The following SATB2 variants were observed in gnomAD, a reference collection of about 807,000 sequenced individuals.
SATB2 encodes SATB homeobox 2, also known as DNA-binding protein SATB2.
SATB2 carries 1 observed loss-of-function variant against 73.4 expected under a neutral mutation model. The ratio of observed to expected loss-of-function variants is 0.01; its 90% CI spans 0.00 to 0.06. The LOEUF (loss-of-function observed/expected upper bound fraction) is 0.06. SATB2 is among the 10% of genes least tolerant of loss of function. The probability of loss-of-function intolerance (pLI) is 1.00; values close to 1 mark genes in which losing one functional copy is unlikely to be tolerated. For missense variants in SATB2, 459 were observed against 945.8 expected (o/e 0.49, Z 6.75); for synonymous variants, 397 against 367.0 (o/e 1.08, Z -0.93).
chr2:199,280,042 C>T (rs1026171102), intron 10 of SATB2, among the ~76,000 whole-genome samples: 5 of 152,062 alleles, frequency 3.3e-5, no homozygotes, highest in Non-Finnish European at 7.4e-5. Context: ...TTGGGTGTTG[C>T]GGGAAGTCAG....
chr2:199,341,954 A>T (rs904433672), intron 7 of SATB2, among the ~76,000 whole-genome samples: 11 of 152,176 alleles, frequency 7.2e-5, no homozygotes, highest in African/African-American at 2.7e-4. Flanking sequence ...GGTCCTGCAG[A>T]GCGCTCTGGA....
chr2:199,330,540 T>C (rs1688160253), intron 7 of SATB2, among the ~76,000 whole-genome samples: 1 of 152,180 alleles, frequency 6.6e-6, no homozygotes, highest in Non-Finnish European at 1.5e-5. Flanking sequence ...AATAACCGAC[T>C]GGTACATGAT....
In SATB2 at chr2:199,314,503, C is replaced by A. The variant is rs1687677829; in HGVS notation, c.1543-5546G>T. Among the ~76,000 whole-genome samples, 4 of 152,120 alleles carry A rather than the reference C, an allele frequency of 2.6e-5. 1 individual carries two copies. The highest frequency in any genetic ancestry group is 7.2e-5 in the African/African-American group (3 of 41,394). ...TCTCTCAGGACATTGATTCTGTTAA[C>A]AATTTTCTGTTGAGCACCCATCTCC... On this transcript the variant is annotated intron_variant, in intron 9 of 10. Transcript: ENST00000417098.
At chr2:199,413,139 T>C (rs997956392) in intron 3 of SATB2, among the ~76,000 whole-genome samples, 1 of 152,230 alleles carries the variant, frequency 6.6e-6, no homozygotes, top group Non-Finnish European at 1.5e-5. Context: ...AATGTATATC[T>C]TCTCATAATC....
upstream of SATB2, chr2:199,468,378 G>A (rs1692633610): frequency 6.6e-6 from 1 of 150,962 alleles, no homozygotes; most frequent in South Asian, 2.1e-4. Flanking sequence ...GGGTGCACTT[G>A]TTTGTCCTAA....
chr2:199,321,251 AAGAT>A (rs1380428544), intron 9 of SATB2, among the ~76,000 whole-genome samples: 1 of 151,992 alleles, frequency 6.6e-6, no homozygotes, highest in South Asian at 2.1e-4. Flanking sequence ...ATATATGACT[AAGAT>A]ATATATATCC....
At chr2:199,274,768 A>C (rs1692259382) in intron 10 of SATB2, among the ~76,000 whole-genome samples, 1 of 151,930 alleles carries the variant, frequency 6.6e-6, no homozygotes, top group Admixed American at 6.6e-5. Context: ...GCATCAGCAA[A>C]AAAAGTGAGA....
intron 2 of SATB2, among the ~76,000 whole-genome samples, chr2:199,452,478 T>C (rs1163321576): frequency 1.3e-5 from 2 of 152,176 alleles, no homozygotes; most frequent in Admixed American, 1.3e-4. Flanking sequence ...ATGCTAATAG[T>C]GGTAAAAAGG....
intron 10 of SATB2, among the ~76,000 whole-genome samples, chr2:199,301,289 T>C (rs1320689992): frequency 6.6e-6 from 1 of 152,118 alleles, no homozygotes; most frequent in Non-Finnish European, 1.5e-5. Flanking sequence ...AGAAGTCATA[T>C]GAATCTCTCT....
intron 10 of SATB2, among the ~76,000 whole-genome samples, chr2:199,284,973 T>TA (rs1692642461): frequency 6.6e-6 from 1 of 152,060 alleles, no homozygotes; most frequent in Non-Finnish European, 1.5e-5. Flanking sequence ...ACTACACCAT[T>TA]TTACATAAGG....
intron 3 of SATB2, among the ~76,000 whole-genome samples, chr2:199,387,874 GTTT>G (rs763623403): frequency 6.6e-6 from 1 of 152,146 alleles, no homozygotes; most frequent in Non-Finnish European, 1.5e-5. Context: ...ATGGAAACCA[GTTT>G]TTTATTTTCT....
In SATB2 at chr2:199,296,924, C is replaced by T. The variant is rs188468355; in HGVS notation, c.1740+11836G>A. 3.3e-5 allele frequency among the ~76,000 whole-genome samples: 5 copies of T among 152,246 alleles called. No homozygotes were observed. The East Asian group carries it at 5.8e-4, about 18-fold the overall frequency. On this transcript the variant is annotated intron_variant, in intron 10 of 10. Transcript: ENST00000417098. Reference sequence around the variant, plus strand: ...AGATGCTCTGGCCTCTGAAACAACACCCAGAAATCCTCAGTGTGGGGGCAA... The same window carrying T: ...AGATGCTCTGGCCTCTGAAACAACATCCAGAAATCCTCAGTGTGGGGGCAA...
upstream of SATB2, chr2:199,469,851 T>C (rs1692670270): frequency 6.6e-6 from 1 of 152,454 alleles, no homozygotes; most frequent in Non-Finnish European, 1.5e-5. Context: ...TCACACCTAT[T>C]ACATTTTTCC....
chr2:199,432,980 T>C (rs1691547424), intron 3 of SATB2, among the ~76,000 whole-genome samples: 1 of 152,174 alleles, frequency 6.6e-6, no homozygotes, highest in South Asian at 2.1e-4. Context: ...CCCAAAGCAA[T>C]AAATAAATTT....
intron 3 of SATB2, among the ~76,000 whole-genome samples, chr2:199,392,376 GTGTGAAGGACT>G (rs1391068671): frequency 6.6e-6 from 1 of 151,558 alleles, no homozygotes; most frequent in Non-Finnish European, 1.5e-5. Flanking sequence ...TTCCTTCTAA[GTGTGAAGGACT>G]TGGCATAGGC....
intron 9 of SATB2, among the ~76,000 whole-genome samples, chr2:199,316,061 T>C (rs544563604): frequency 6.6e-6 from 1 of 152,208 alleles, no homozygotes; most frequent in African/African-American, 2.4e-5. Flanking sequence ...GTTTTCTGAG[T>C]ATCTCAAAAG....
intron 6 of SATB2, among the ~76,000 whole-genome samples, chr2:199,355,275 T>A (rs1688937348): frequency 6.7e-6 from 1 of 149,816 alleles, no homozygotes; most frequent in Non-Finnish European, 1.5e-5. Context: ...TATACAAGGA[T>A]GTGTGTATAT....
intron 3 of SATB2, among the ~76,000 whole-genome samples, chr2:199,391,442 A>AC (rs1313991597): frequency 6.6e-6 from 1 of 151,190 alleles, no homozygotes; most frequent in African/African-American, 2.4e-5. Flanking sequence ...CAAAAAAAAA[A>AC]AAAAAAAAAA....
intron 3 of SATB2, among the ~76,000 whole-genome samples, chr2:199,391,900 G>C (rs1440057399): frequency 6.6e-6 from 1 of 152,226 alleles, no homozygotes; most frequent in Non-Finnish European, 1.5e-5. Flanking sequence ...TGCATGTCTA[G>C]TTATCCTGTG....
Sources: allele counts gnomAD v4.1 joint callset (sites outside exome capture counted in the v4.1 genomes callset), GRCh38; gene constraint gnomAD v4.1.1; transcripts MANE v1.5; gene names NCBI Gene and HGNC (gene_info 2026-07-23, HGNC 2026-07-21).